The following NHS variants were observed in gnomAD, a reference collection of about 807,000 sequenced individuals.
NHS encodes the protein NHS actin remodeling regulator.
In NHS, 5 loss-of-function variants were observed where a neutral mutation model predicts 72.5. That is an observed-to-expected ratio of 0.07 (90% CI 0.04 to 0.14). NHS has a LOEUF of 0.14. Ranked by LOEUF, NHS falls within the 10% of genes least tolerant of loss-of-function variation. The probability of loss-of-function intolerance (pLI) is 1.00; values close to 1 mark genes in which losing one functional copy is unlikely to be tolerated. For missense variants in NHS, 1,072 were observed against 1,355.7 expected (o/e 0.79, Z 3.29); for synonymous variants, 464 against 547.7 (o/e 0.85, Z 2.13).
At chrX:17,451,455 C>T (rs1267848669) in intron 1 of NHS, among the ~76,000 whole-genome samples, 1 of 112,556 alleles carries the variant, frequency 8.9e-6, no homozygotes. Flanking sequence ...GAATGCGTGT[C>T]ATGCACCAAT....
At chrX:17,379,582 C>A (rs1184826254) in intron 1 of NHS, among the ~76,000 whole-genome samples, 1 of 111,238 alleles carries the variant, frequency 9.0e-6, no homozygotes, top group Admixed American at 9.5e-5. Flanking sequence ...CGAGACCAGC[C>A]TGGCCAACAT....
intron 1 of NHS, among the ~76,000 whole-genome samples, chrX:17,633,502 T>C (rs1179230792): frequency 2.7e-5 from 3 of 112,136 alleles, no homozygotes; most frequent in African/African-American, 9.7e-5. Flanking sequence ...TCAGGTTTGT[T>C]GAGCACCAAA....
At chrX:17,436,173 C>T (rs1198803120) in intron 1 of NHS, among the ~76,000 whole-genome samples, 1 of 111,586 alleles carries the variant, frequency 9.0e-6, no homozygotes, top group Non-Finnish European at 1.9e-5. Context: ...TTAAAAAAAA[C>T]TTCAAAAAGT....
chrX:17,460,272 CTATTT>C (rs1218631194), intron 1 of NHS, among the ~76,000 whole-genome samples: 1 of 111,692 alleles, frequency 9.0e-6, no homozygotes. Context: ...TAAAGCTCAC[CTATTT>C]TATTTTATTT....
At chrX:17,686,601 G>A (rs1439708637) in intron 1 of NHS, among the ~76,000 whole-genome samples, 1 of 112,335 alleles carries the variant, frequency 8.9e-6, no homozygotes, top group Non-Finnish European at 1.9e-5. Flanking sequence ...CAGCTGTCAT[G>A]AGCACATGAA....
intron 1 of NHS, among the ~76,000 whole-genome samples, chrX:17,496,834 G>C (rs1024056822): frequency 2.7e-5 from 3 of 111,919 alleles, no homozygotes; most frequent in Non-Finnish European, 5.6e-5. Flanking sequence ...GCTTTCCATA[G>C]ATATTTCTCT....
intron 1 of NHS, among the ~76,000 whole-genome samples, chrX:17,408,363 T>G (rs943036679): frequency 1.8e-5 from 2 of 111,782 alleles, no homozygotes; most frequent in Admixed American, 9.5e-5. Context: ...ATGTATTGCT[T>G]GATTCAACTC....
At chrX:17,514,909 T>G (rs1040292578) in intron 1 of NHS, among the ~76,000 whole-genome samples, 18 of 111,319 alleles carry the variant, frequency 1.6e-4, no homozygotes, top group South Asian at 7.6e-4. Flanking sequence ...CAGAAATGTG[T>G]GGGGGGGCAG....
At chrX:17,623,491 TA>T (rs1291706844) in intron 1 of NHS, among the ~76,000 whole-genome samples, 2 of 109,606 alleles carry the variant, frequency 1.8e-5, no homozygotes, top group Non-Finnish European at 3.8e-5. Flanking sequence ...GGGATGGGGG[TA>T]GGGGGGAGGT....
intron 1 of NHS, among the ~76,000 whole-genome samples, chrX:17,386,172 A>G (rs1026871268): frequency 8.9e-6 from 1 of 112,120 alleles, no homozygotes; most frequent in Non-Finnish European, 1.9e-5. Flanking sequence ...GAATCTACCT[A>G]TAACTGCTTT....
intron 1 of NHS, among the ~76,000 whole-genome samples, chrX:17,560,912 C>G (rs766745941): frequency 8.9e-6 from 1 of 112,709 alleles, no homozygotes; most frequent in South Asian, 3.7e-4. Flanking sequence ...TCCAGGGCCT[C>G]CCAGTGGCCT....
At chrX:17,655,274 C>T (rs1333264396) in intron 1 of NHS, among the ~76,000 whole-genome samples, 1 of 112,034 alleles carries the variant, frequency 8.9e-6, no homozygotes, top group African/African-American at 3.3e-5. Context: ...CACGGGGGTG[C>T]GGTGCTGAGC....
chrX:17,504,715 ACCAC>A (rs2065049142), intron 1 of NHS, among the ~76,000 whole-genome samples: 2 of 112,337 alleles, frequency 1.8e-5, no homozygotes, highest in South Asian at 7.4e-4. Flanking sequence ...AGGCTGGGTC[ACCAC>A]ATGTGGCAAC....
At chrX:17,533,283 G>A (rs1331776233) in intron 1 of NHS, among the ~76,000 whole-genome samples, 1 of 111,591 alleles carries the variant, frequency 9.0e-6, no homozygotes, top group Non-Finnish European at 1.9e-5. Flanking sequence ...AAGGTTGCTC[G>A]TTGATTTTTA....
intron 1 of NHS, among the ~76,000 whole-genome samples, chrX:17,552,182 T>C (rs1386457516): frequency 8.9e-6 from 1 of 111,870 alleles, no homozygotes. Flanking sequence ...ACTACACAAG[T>C]CCAAAGGCAT....
chrX:17,468,634 C>T lies in NHS; in HGVS notation c.565+92312C>T, dbSNP rs762197399. ...GTGACATGATCATGGCTCACTGCAGCCTCGACCTTCTGGGCTCAAAGTCTC... is the reference window on the plus strand; with the variant it reads ...GTGACATGATCATGGCTCACTGCAGTCTCGACCTTCTGGGCTCAAAGTCTC... On this transcript the variant is annotated intron_variant, in intron 1 of 8. Transcript: ENST00000676302. Among the ~76,000 whole-genome samples, 4 of 110,530 alleles carry T rather than the reference C, an allele frequency of 3.6e-5. No individual in the cohort carries two copies. The South Asian group carries it at 1.6e-3, about 44-fold the overall frequency.
At chrX:17,392,947 A>G (rs1028803192) in intron 1 of NHS, among the ~76,000 whole-genome samples, 4 of 112,108 alleles carry the variant, frequency 3.6e-5, no homozygotes, top group Non-Finnish European at 5.6e-5. Context: ...ATCATATAGT[A>G]TGTGCCTTTT....
chrX:17,701,620 G>A (rs1477300035), intron 3 of NHS, among the ~76,000 whole-genome samples: 1 of 111,600 alleles, frequency 9.0e-6, no homozygotes, highest in Admixed American at 9.5e-5. Context: ...TGAGTTACTG[G>A]GAAGGACTGG....
intron 1 of NHS, among the ~76,000 whole-genome samples, chrX:17,561,807 C>T (rs1397994234): frequency 4.6e-5 from 5 of 108,542 alleles, no homozygotes; most frequent in Admixed American, 9.9e-5. Flanking sequence ...AATCATGATG[C>T]TAATCTCCCA....
Sources: gnomAD v4.1 joint callset for allele counts (sites outside exome capture counted in the v4.1 genomes callset) on GRCh38, gnomAD v4.1.1 for gene constraint, MANE v1.5 for transcripts, NCBI Gene and HGNC (gene_info 2026-07-23, HGNC 2026-07-21) for gene names.